Variants in SULT1C4 observed in about 807,000 individuals in gnomAD.
SULT1C4 encodes the protein sulfotransferase family 1C member 4.
Under a neutral mutation model 34.8 loss-of-function variants are expected in SULT1C4, and 32 were observed. That is an observed-to-expected ratio of 0.92 (90% CI 0.69 to 1.23). The LOEUF is 1.23. Among genes scored for constraint, SULT1C4 ranks in the 50% most tolerant of loss-of-function variants. SULT1C4 has a pLI of 0.00. For synonymous variants in SULT1C4, 111 were observed against 120.5 expected (o/e 0.92, Z 0.51); for missense variants, 375 against 365.9 (o/e 1.02, Z -0.20).
chr2:108,383,517 A>G lies in SULT1C4; in HGVS notation c.615+7A>G. On this transcript the variant is annotated splice_region_variant and intron_variant, in intron 5 of 6. Coordinates refer to ENST00000272452, the MANE Select transcript of SULT1C4 (RefSeq NM_006588.4). ...CTATGAGGACATGAAGAAGGTGAGC[A>G]CAGTGCCATCTAAGGTGTACCCACT... 1 of 1,613,242 alleles carries G rather than the reference A, an allele frequency of 6.2e-7. No individual in the cohort carries two copies. The highest frequency in any genetic ancestry group is 8.5e-7 in the Non-Finnish European group (1 of 1,179,348).
Position 108,381,748 on chromosome 2 carries a change from T to C in SULT1C4, c.170-14T>C. On this transcript the variant is annotated splice_polypyrimidine_tract_variant and intron_variant, in intron 1 of 6. Coordinates refer to ENST00000272452, the MANE Select transcript of SULT1C4 (RefSeq NM_006588.4). Reference sequence around the variant, plus strand: ...ACTAGATGTCTATTCATCTTCATTTTACGTGCACGTAAGGAACAACATGGA... The same window carrying C: ...ACTAGATGTCTATTCATCTTCATTTCACGTGCACGTAAGGAACAACATGGA... The C allele has an allele frequency of 7.3e-7, 1 of 1,371,400 alleles. No homozygotes were observed. The highest frequency in any genetic ancestry group is 9.5e-7 in the Non-Finnish European group (1 of 1,055,988). The allele number at this position is 1,371,400 out of a possible 1,614,324, so 85.0% of individuals were successfully genotyped here.
At chr2:108,382,303 T>C in intron 2 of SULT1C4, 82 bp from the exon 3 acceptor site, 2 of 1,036,936 alleles carry the variant, frequency 1.9e-6, no homozygotes. Context: ...TGAATTGTAG[T>C]AGTAATAATG....
chr2:108,382,238 G>T (rs1678422695), intron 2 of SULT1C4, 147 bp from the exon 3 acceptor site: 1 of 723,346 alleles, frequency 1.4e-6, no homozygotes. Context: ...CTATTCATAG[G>T]CTAGACGTAT....
chr2:108,387,509 C>T lies in SULT1C4; in HGVS notation c.*77C>T, dbSNP rs995885792. 7 of 861,506 alleles carry T rather than the reference C, an allele frequency of 8.1e-6. No individual in the cohort carries two copies. Among genetic ancestry groups the T allele is most frequent in the Non-Finnish European group, 1.3e-5 (7 of 549,740 alleles). 53.4% of individuals were successfully genotyped at this position (861,506 alleles called of 1,614,324 possible). The stretch of plus-strand genomic sequence containing the variant: ...AATAATGAAAGTTTAATTCTCATAA[C>T]AAATGATATCAGATTCCAGTTATCA... On this transcript the variant is annotated 3_prime_UTR_variant, in exon 7 of 7. Transcript: ENST00000272452.
At chr2:108,386,798 C>T (rs551372136) in intron 6 of SULT1C4, among the ~76,000 whole-genome samples, 2 of 151,934 alleles carry the variant, frequency 1.3e-5, no homozygotes, top group African/African-American at 4.8e-5. Flanking sequence ...TTCATGCCTG[C>T]GTGGAAATTA....
At chr2:108,383,863 G>T (rs58927872) in intron 5 of SULT1C4, among the ~76,000 whole-genome samples, 22,282 of 113,816 alleles carry the variant, frequency 0.2, 1,973 homozygotes, top group African/African-American at 0.4. Context: ...GGTTTTTTTT[G>T]TTTTTGTTTT....
chr2:108,384,009 C>G (rs1678501840), intron 5 of SULT1C4, among the ~76,000 whole-genome samples: 1 of 149,738 alleles, frequency 6.7e-6, no homozygotes, highest in South Asian at 2.1e-4. Flanking sequence ...GTTGGGATTA[C>G]AGTCGCCTGC....
intron 1 of SULT1C4, among the ~76,000 whole-genome samples, chr2:108,381,462 G>A (rs1678389953): frequency 6.6e-6 from 1 of 151,926 alleles, no homozygotes; most frequent in African/African-American, 2.4e-5. Context: ...GATCAGCCTG[G>A]GCAACATGGT....
At chr2:108,386,679 G>GAC (rs1009360140) in intron 6 of SULT1C4, among the ~76,000 whole-genome samples, 5 of 152,164 alleles carry the variant, frequency 3.3e-5, no homozygotes, top group Non-Finnish European at 7.3e-5. Context: ...CCATTTTATA[G>GAC]ACAGTTCTAT....
intron 6 of SULT1C4, 92 bp from the exon 7 acceptor site, chr2:108,387,228 T>A: frequency 1.0e-6 from 1 of 954,788 alleles, no homozygotes; most frequent in East Asian, 2.5e-5. Flanking sequence ...TCCTAGAACA[T>A]GGCATAGAAA....
intron 1 of SULT1C4, 129 bp downstream of exon 1, chr2:108,378,635 T>C (rs2104338581): frequency 1.9e-6 from 2 of 1,037,342 alleles, no homozygotes; most frequent in East Asian, 5.0e-5. Flanking sequence ...TAAGGAAAGT[T>C]ACTAGTGGAA....
At position 108,381,739 on chromosome 2, in the gene SULT1C4, T is replaced by A. The variant is rs201784620; in HGVS notation, c.170-23T>A. Reference sequence around the variant, plus strand: ...ATGTACTATACTAGATGTCTATTCATCTTCATTTTACGTGCACGTAAGGAA... The same window carrying A: ...ATGTACTATACTAGATGTCTATTCAACTTCATTTTACGTGCACGTAAGGAA... On this transcript the variant is annotated intron_variant, in intron 1 of 6. Coordinates refer to ENST00000272452, the MANE Select transcript of SULT1C4 (RefSeq NM_006588.4). 2,833 of 1,365,566 alleles carry A rather than the reference T, an allele frequency of 2.1e-3. 38 individuals are homozygous for A. In the South Asian group the frequency reaches 0.028, roughly 13 times the overall value. The allele number at this position is 1,365,566 out of a possible 1,614,324, so 84.6% of individuals were successfully genotyped here. A position where few individuals can be genotyped will look rare whatever the true frequency, so the allele number is the denominator to read the frequency against.
At chr2:108,381,478 G>C (rs1420474903) in intron 1 of SULT1C4, among the ~76,000 whole-genome samples, 4 of 151,910 alleles carry the variant, frequency 2.6e-5, no homozygotes, top group African/African-American at 9.7e-5. Context: ...ATGGTAAAAT[G>C]CCGTCTCTAC....
Position 108,381,959 on chromosome 2 carries a change from C to A in SULT1C4, c.295+72C>A. The A allele has an allele frequency of 4.4e-6, 6 of 1,375,634 alleles. No homozygotes were observed. In the South Asian group the frequency reaches 8.8e-5, roughly 20 times the overall value. The allele number at this position is 1,375,634 out of a possible 1,614,324, so 85.2% of individuals were successfully genotyped here. ...GGATTTTTACTGTCTTTGCACCTTT[C>A]GAAATTATAGGCTTTCAAACAATTA... On this transcript the variant is annotated intron_variant, in intron 2 of 6. Transcript: ENST00000272452.
At position 108,387,417 on chromosome 2, in the gene SULT1C4, C is replaced by T. The variant is rs1209518756; in HGVS notation, c.894C>T (p.Phe298=). The T allele has an allele frequency of 6.2e-7, 1 of 1,610,926 alleles. No homozygotes were observed. The highest frequency in any genetic ancestry group is 8.5e-7 in the Non-Finnish European group (1 of 1,177,830). Residue 298 remains phenylalanine, a synonymous_variant, in exon 7 of 7, where the codon TTC becomes TTT. Coordinates refer to ENST00000272452, the MANE Select transcript of SULT1C4 (RefSeq NM_006588.4). ...KKKMTDTRLT[F]HFQF ...AAATGACTGATACCAGACTAACTTTCCACTTCCAGTTCTAGTAAGGAAGAA... is the reference window on the plus strand; with the variant it reads ...AAATGACTGATACCAGACTAACTTTTCACTTCCAGTTCTAGTAAGGAAGAA...
At chr2:108,386,130 C>CATA in intron 5 of SULT1C4, 62 bp from the exon 6 acceptor site, 1 of 1,250,242 alleles carries the variant, frequency 8.0e-7, no homozygotes, top group Non-Finnish European at 1.0e-6. Flanking sequence ...ATTAATCCAT[C>CATA]ATAATATTCT....
At chr2:108,381,561 AG>A (rs956962205) in intron 1 of SULT1C4, among the ~76,000 whole-genome samples, 200 bp from the exon 2 acceptor site, 1 of 152,164 alleles carries the variant, frequency 6.6e-6, no homozygotes. Flanking sequence ...CTGAGGCGAG[AG>A]GATCGCTTGA....
intron 3 of SULT1C4, 108 bp from the exon 4 acceptor site, chr2:108,382,985 G>A: frequency 9.3e-7 from 1 of 1,073,254 alleles, no homozygotes; most frequent in Non-Finnish European, 1.2e-6. Flanking sequence ...TGAACTGTAT[G>A]AAATGTATCT....
At position 108,388,310 on chromosome 2, in the gene SULT1C4, G is replaced by A. The variant is rs965559985; in HGVS notation, c.*878G>A. On this transcript the variant is annotated 3_prime_UTR_variant, in exon 7 of 7. Coordinates refer to ENST00000272452, the MANE Select transcript of SULT1C4 (RefSeq NM_006588.4). ...ACTCACTCTCCCACCCTCAGCTAAT[G>A]CTACAATCCTGGAGTCACCTCTTGA... Among the ~76,000 whole-genome samples the A allele has an allele frequency of 3.9e-5, 6 of 152,082 alleles. No homozygotes were observed. Among genetic ancestry groups the A allele is most frequent in the Non-Finnish European group, 7.3e-5 (5 of 68,032 alleles).
Sources: gnomAD v4.1 joint callset for allele counts (sites outside exome capture counted in the v4.1 genomes callset) on GRCh38, gnomAD v4.1.1 for gene constraint, MANE v1.5 for transcripts, NCBI Gene and HGNC (gene_info 2026-07-23, HGNC 2026-07-21) for gene names.